Variants in TRIM39 observed in about 807,000 individuals in gnomAD.
The protein encoded by TRIM39 is tripartite motif containing 39.
Under a neutral mutation model 53.6 loss-of-function variants are expected in TRIM39, and 5 were observed. That is an observed-to-expected ratio of 0.09 (90% CI 0.05 to 0.20). The LOEUF (loss-of-function observed/expected upper bound fraction) is 0.20. Ranked by LOEUF, TRIM39 falls within the 10% of genes least tolerant of loss-of-function variation. The probability of loss-of-function intolerance (pLI) is 1.00; values close to 1 mark genes in which losing one functional copy is unlikely to be tolerated. For missense variants in TRIM39, 310 were observed against 621.0 expected (o/e 0.50, Z 5.32); for synonymous variants, 196 against 237.6 (o/e 0.82, Z 1.61).
chr6:30,333,046 A>T (rs1005988057), intron 4 of TRIM39, among the ~76,000 whole-genome samples: 1 of 152,210 alleles, frequency 6.6e-6, no homozygotes, highest in African/African-American at 2.4e-5. Context: ...ACCCTGAACG[A>T]CTTTACAGTG....
At chr6:30,341,904 A>G in exon 8 of TRIM39, 2 of 1,612,996 alleles carry the variant, frequency 1.2e-6, no homozygotes, top group Non-Finnish European at 8.5e-7. Flanking sequence ...GAGGTGGGCG[A>G]CAAGACCCAC....
chr6:30,342,874 C>G lies in TRIM39; in HGVS notation c.*615C>G, dbSNP rs1353841624. ...AGGGAGGTTTCTTTGGTCTTCTATTCCAAGGGTAAGGTTGCGATTATGGGT... is the reference window on the plus strand; with the variant it reads ...AGGGAGGTTTCTTTGGTCTTCTATTGCAAGGGTAAGGTTGCGATTATGGGT... On this transcript the variant is annotated 3_prime_UTR_variant, in exon 8 of 8. Transcript: ENST00000396551. This position sits in a 1 kb window ranked among gnomAD's most constrained non-coding sequence, Gnocchi z 4.7. 1 of 152,818 alleles carries G rather than the reference C, an allele frequency of 6.5e-6. No individual in the cohort carries two copies. Among genetic ancestry groups the G allele is most frequent in the Non-Finnish European group, 1.5e-5 (1 of 68,584 alleles). 9.5% of individuals were successfully genotyped at this position (152,818 alleles called of 1,614,324 possible).
chr6:30,341,877 G>A (rs751047558), exon 8 of TRIM39: 73 of 1,612,870 alleles, frequency 4.5e-5, no homozygotes, highest in Middle Eastern at 1.6e-4. Context: ...ACCTCAGGTC[G>A]ACACTACTGG....
chr6:30,336,888 A>G (rs1432140080), intron 5 of TRIM39, among the ~76,000 whole-genome samples: 1 of 152,226 alleles, frequency 6.6e-6, no homozygotes, highest in Non-Finnish European at 1.5e-5. Context: ...AAAAATCACT[A>G]TTTATAGCAG....
intron 6 of TRIM39, 154 bp from the exon 7 acceptor site, chr6:30,340,346 TAAAAG>T: frequency 6.2e-7 from 1 of 1,612,980 alleles, no homozygotes; most frequent in Non-Finnish European, 8.5e-7. Flanking sequence ...CTTGGATTAG[TAAAAG>T]AAATCAACAG....
At position 30,335,378 on chromosome 6, in the gene TRIM39, G is replaced by A. The variant is rs941871826; in HGVS notation, c.550-367G>A. 6.6e-6 allele frequency among the ~76,000 whole-genome samples: 1 copy of A among 151,986 alleles called. No homozygotes were observed. The highest frequency in any genetic ancestry group is 2.4e-5 in the African/African-American group (1 of 41,334). Reference sequence around the variant, plus strand: ...CTGTTGCCCAAGCTGGAGTGCAATGGTGCAACAATTTCAGCTTACTCCAAC... The same window carrying A: ...CTGTTGCCCAAGCTGGAGTGCAATGATGCAACAATTTCAGCTTACTCCAAC... On this transcript the variant is annotated intron_variant, in intron 4 of 7. Transcript: ENST00000396551. This position sits in a 1 kb window ranked among gnomAD's most constrained non-coding sequence, Gnocchi z 4.7.
chr6:30,330,688 T>C, intron 3 of TRIM39, 93 bp from the exon 4 acceptor site: 1 of 1,362,932 alleles, frequency 7.3e-7, no homozygotes. Flanking sequence ...AGGAAGCAAA[T>C]AAATGGTTTA....
exon 2 of TRIM39, chr6:30,328,958 T>C: frequency 8.2e-6 from 2 of 243,726 alleles, no homozygotes; most frequent in Non-Finnish European, 1.6e-5. Flanking sequence ...GGTTCTAAGA[T>C]ATAAGTGGAA....
At chr6:30,340,716 C>A in intron 7 of TRIM39, 96 bp downstream of exon 7, 1 of 1,280,210 alleles carries the variant, frequency 7.8e-7, no homozygotes, top group Non-Finnish European at 1.1e-6. Flanking sequence ...CTATGTCTCA[C>A]TTTTCTTACT....
chr6:30,327,520 A>G (rs1785514338), intron 1 of TRIM39: 1 of 152,706 alleles, frequency 6.5e-6, no homozygotes. Flanking sequence ...TTCAGCTGAG[A>G]CACAAGGAGT....
At position 30,335,423 on chromosome 6, in the gene TRIM39, G is replaced by T. The variant is rs1440537100; in HGVS notation, c.550-322G>T. On this transcript the variant is annotated intron_variant, in intron 4 of 7. Coordinates refer to ENST00000396551, the Ensembl canonical transcript of TRIM39. The surrounding 1 kb of genome is among the most constrained non-coding windows in gnomAD (Gnocchi z 4.7). Reference sequence around the variant, plus strand: ...TCCAACCTCTGCCTTCTTTGCTCAAGCCATCATCCCACCTCAGCCTCTCCA... The same window carrying T: ...TCCAACCTCTGCCTTCTTTGCTCAATCCATCATCCCACCTCAGCCTCTCCA... Among the ~76,000 whole-genome samples the T allele has an allele frequency of 5.3e-5, 8 of 152,068 alleles. No individual in the cohort carries two copies. Among genetic ancestry groups the T allele is most frequent in the South Asian group, 2.1e-4 (1 of 4,814 alleles).
intron 7 of TRIM39, chr6:30,341,384 C>G: frequency 1.6e-6 from 1 of 622,946 alleles, no homozygotes; most frequent in Non-Finnish European, 3.1e-6. Context: ...TTTTCTGCCC[C>G]TCAGACTACA....
In TRIM39 at chr6:30,336,088, GTTCT is replaced by G. The variant is rs750209027; in HGVS notation, c.780+118_780+121del. 5.3e-5 allele frequency: 78 copies of G among 1,469,392 alleles called. No homozygotes were observed. In the East Asian group the frequency reaches 1.9e-3, roughly 36 times the overall value. The allele number at this position is 1,469,392 out of a possible 1,614,324, so 91.0% of individuals were successfully genotyped here. A position where few individuals can be genotyped will look rare whatever the true frequency, so the allele number is the denominator to read the frequency against. The stretch of plus-strand genomic sequence containing the variant: ...CTTCTGCTCTCCTTCTCTAAATCCA[GTTCT>G]TTCTGCCAGGTGTACTCAAAGGGTC... On this transcript the variant is annotated intron_variant, in intron 5 of 7. Coordinates refer to ENST00000396551, the Ensembl canonical transcript of TRIM39.
intron 5 of TRIM39, among the ~76,000 whole-genome samples, chr6:30,337,342 T>C (rs1786991433): frequency 6.6e-6 from 1 of 151,920 alleles, no homozygotes; most frequent in African/African-American, 2.4e-5. Context: ...GAGGCAGAGG[T>C]TGCAGTGAGC....
At position 30,339,874 on chromosome 6, in the gene TRIM39, G is replaced by A; in HGVS notation, c.781-34G>A. 3.1e-6 allele frequency: 5 copies of A among 1,613,952 alleles called. No homozygotes were observed. The highest frequency in any genetic ancestry group is 4.2e-6 in the Non-Finnish European group (5 of 1,179,962). ...TGCCTTCAGGACCACTGAATACCAG[G>A]ACCAATATTGCTTTCTTTTCTCCTT... On this transcript the variant is annotated intron_variant, in intron 5 of 7. Transcript: ENST00000396551. The surrounding 1 kb of genome is among the most constrained non-coding windows in gnomAD (Gnocchi z 4.2).
At position 30,339,294 on chromosome 6, in the gene TRIM39, G is replaced by A. The variant is rs556749329; in HGVS notation, c.781-614G>A. Among the ~76,000 whole-genome samples the A allele has an allele frequency of 2.3e-4, 35 of 151,920 alleles. 1 individual carries two copies. In the South Asian group the frequency reaches 5.8e-3, roughly 25 times the overall value. On this transcript the variant is annotated intron_variant, in intron 5 of 7. Transcript: ENST00000396551. This position sits in a 1 kb window ranked among gnomAD's most constrained non-coding sequence, Gnocchi z 4.2. Reference sequence around the variant, plus strand: ...CTCCTGAGTAGCTGGGGTTACAGGCGCACACCACCACACCTGGCTAATTTT... The same window carrying A: ...CTCCTGAGTAGCTGGGGTTACAGGCACACACCACCACACCTGGCTAATTTT...
intron 7 of TRIM39, chr6:30,341,301 A>G (rs570766359): frequency 4.2e-6 from 2 of 471,996 alleles, no homozygotes; most frequent in African/African-American, 4.0e-5. Context: ...CAGTTCCTGG[A>G]AAACACACAT....
intron 7 of TRIM39, chr6:30,341,248 T>G: frequency 2.9e-6 from 1 of 349,366 alleles, no homozygotes; most frequent in Middle Eastern, 3.9e-4. Flanking sequence ...GGAGTGTCAT[T>G]ATATTAATGT....
intron 1 of TRIM39, among the ~76,000 whole-genome samples, chr6:30,328,081 G>C (rs913341389): frequency 1.6e-4 from 24 of 152,204 alleles, no homozygotes; most frequent in African/African-American, 5.5e-4. Context: ...TAGGGGGCCA[G>C]CCTTGTGTTT....
Sources: allele counts gnomAD v4.1 joint callset (sites outside exome capture counted in the v4.1 genomes callset), GRCh38; gene constraint gnomAD v4.1.1; non-coding constraint Gnocchi (gnomAD v3.1); transcripts MANE v1.5; gene names NCBI Gene and HGNC (gene_info 2026-07-23, HGNC 2026-07-21).